JAML: variants seen among roughly 807,000 people sequenced by gnomAD.
JAML encodes the protein junction adhesion molecule like.
JAML carries 25 observed loss-of-function variants against 39.3 expected under a neutral mutation model. The observed-to-expected ratio is 0.64, with a 90% CI of 0.46 to 0.89. The LOEUF (loss-of-function observed/expected upper bound fraction) is 0.89, where lower values mean the gene tolerates loss of function less well. Ranked by LOEUF, JAML falls within the 40% of genes least tolerant of loss-of-function variation. The pLI is 0.00. For missense variants in JAML, 440 were observed against 486.9 expected (o/e 0.90, Z 0.91); for synonymous variants, 162 against 179.2 (o/e 0.90, Z 0.77).
chr11:118,207,063 T>C (rs1948932022), intron 4 of JAML, among the ~76,000 whole-genome samples: 1 of 151,984 alleles, frequency 6.6e-6, no homozygotes, highest in Non-Finnish European at 1.5e-5. Flanking sequence ...AAATGCACAA[T>C]AGGAGGAAAG....
chr11:118,217,164 G>A (rs1047692703), intron 1 of JAML, among the ~76,000 whole-genome samples: 2 of 152,356 alleles, frequency 1.3e-5, no homozygotes, highest in African/African-American at 4.8e-5. Context: ...TTATTTAGAT[G>A]TGTGTCCTGT....
chr11:118,196,743 T>C lies in JAML; in HGVS notation c.1084A>G (p.Met362Val). The change falls in exon 9 of 10, where the codon ATG (methionine) becomes GTG (valine). Residue 362 changes from methionine (M) to valine (V), a missense_variant. Physicochemically the swap from Met to Val is conservative, Grantham distance 21. Coordinates refer to ENST00000356289, the MANE Select transcript of JAML (RefSeq NM_001098526.2). Reference sequence around the variant, plus strand: ...GCCAGAATCATTCTCACCATGGTCATGTAGGTGGCCTCTGATTTTTCACTT... The same window carrying C: ...GCCAGAATCATTCTCACCATGGTCACGTAGGTGGCCTCTGATTTTTCACTT... ...EPSEKSEATY[M>V]TMHPVWPSLR... The C allele has an allele frequency of 1.2e-6, 2 of 1,609,232 alleles. No homozygotes were observed. Among genetic ancestry groups the C allele is most frequent in the South Asian group, 1.1e-5 (1 of 90,980 alleles).
intron 1 of JAML, among the ~76,000 whole-genome samples, chr11:118,223,194 G>C (rs1345175643): frequency 6.6e-6 from 1 of 151,946 alleles, no homozygotes; most frequent in Non-Finnish European, 1.5e-5. Flanking sequence ...AGTTCTGTGG[G>C]TATAAGCAGG....
chr11:118,217,759 A>C (rs73594558), intron 1 of JAML, among the ~76,000 whole-genome samples: 7,431 of 152,298 alleles, frequency 0.049, 626 homozygotes, highest in African/African-American at 0.17. Context: ...GAAATGAGGC[A>C]GAGAATGACA....
rs372933776 is a variant in JAML at position 118,196,427 on chromosome 11, C to T, written c.1092+308G>A. ...TCAGGCATGAGCCACCACACCCGGC[C>T]GTGTTTTCTTTATTAGATTGAACTG... On this transcript the variant is annotated intron_variant, in intron 9 of 9. Transcript: ENST00000356289. Among the ~76,000 whole-genome samples, 18 of 152,254 alleles carry T rather than the reference C, an allele frequency of 1.2e-4. No individual in the cohort carries two copies. In the East Asian group the frequency reaches 2.1e-3, roughly 18 times the overall value.
intron 7 of JAML, among the ~76,000 whole-genome samples, chr11:118,200,035 G>A (rs901480896): frequency 2.6e-5 from 4 of 152,056 alleles, no homozygotes; most frequent in Non-Finnish European, 5.9e-5. Context: ...GAACCTGAGG[G>A]CACCCATTCA....
At chr11:118,216,226 C>T (rs1306927687) in intron 1 of JAML, among the ~76,000 whole-genome samples, 1 of 152,034 alleles carries the variant, frequency 6.6e-6, no homozygotes, top group African/African-American at 2.4e-5. Flanking sequence ...AAAAAATTAG[C>T]CGGGCATGGT....
chr11:118,207,861 G>A (rs997299264), intron 4 of JAML, among the ~76,000 whole-genome samples: 1 of 152,114 alleles, frequency 6.6e-6, no homozygotes, highest in East Asian at 1.9e-4. Context: ...ACTCCTTGTG[G>A]TTCCCTCTGT....
At chr11:118,211,834 C>G (rs1565482643) in intron 3 of JAML, among the ~76,000 whole-genome samples, 4 of 152,162 alleles carry the variant, frequency 2.6e-5, no homozygotes, top group African/African-American at 7.2e-5. Flanking sequence ...GCCCACCATG[C>G]TGCATCTGCT....
Position 118,214,824 on chromosome 11 carries a change from CCAGTAACA to C in JAML, c.35_42del (p.Val12GlyfsTer8), listed in dbSNP as rs1296168385. On this transcript the variant is annotated frameshift_variant and splice_region_variant, in exon 2 of 10. Coordinates refer to ENST00000356289, the MANE Select transcript of JAML (RefSeq NM_001098526.2). ...ACGGAGTCCCTTAGCTTCTACTTACCCAGTAACACTGGCAGCAGGATGAGTTTCAGTGG... is the reference window on the plus strand; with the variant it reads ...ACGGAGTCCCTTAGCTTCTACTTACCCTGGCAGCAGGATGAGTTTCAGTGG... 6.2e-7 allele frequency: 1 copy of C among 1,614,030 alleles called. No individual in the cohort carries two copies. Among genetic ancestry groups the C allele is most frequent in the Non-Finnish European group, 8.5e-7 (1 of 1,179,928 alleles).
chr11:118,213,189 C>T (rs1299592943), intron 2 of JAML: 2 of 1,371,254 alleles, frequency 1.5e-6, no homozygotes, highest in Non-Finnish European at 1.9e-6. Flanking sequence ...CACAGGGACC[C>T]CTGCCCATTA....
chr11:118,195,613 A>C (rs1181602620), intron 9 of JAML, among the ~76,000 whole-genome samples: 2 of 152,190 alleles, frequency 1.3e-5, no homozygotes, highest in Non-Finnish European at 2.9e-5. Flanking sequence ...AAGTCTAAGC[A>C]AAGGGAAATT....
At chr11:118,209,383 C>T (rs1948994886) in intron 4 of JAML, among the ~76,000 whole-genome samples, 2 of 152,202 alleles carry the variant, frequency 1.3e-5, no homozygotes, top group Non-Finnish European at 2.9e-5. Context: ...TAGGGTCCTA[C>T]CCCTGCCCCG....
intron 9 of JAML, 105 bp from the exon 10 acceptor site, chr11:118,194,522 C>G: frequency 1.2e-6 from 1 of 866,230 alleles, no homozygotes; most frequent in Non-Finnish European, 1.9e-6. Flanking sequence ...CGGCCCAGTA[C>G]TGAATTTCAT....
chr11:118,212,507 T>G lies in JAML; in HGVS notation c.98A>C (p.His33Pro). 1 of 1,614,184 alleles carries G rather than the reference T, an allele frequency of 6.2e-7. No homozygotes were observed. The highest frequency in any genetic ancestry group is 8.5e-7 in the Non-Finnish European group (1 of 1,180,022). The change falls in exon 3 of 10, where the codon CAT (histidine) becomes CCT (proline). Residue 33 changes from histidine to proline, a missense_variant. Coordinates refer to ENST00000356289, the MANE Select transcript of JAML (RefSeq NM_001098526.2). ...TCCCATCAGAGCTGAATCACCCACATGGACTGTTAGCTCAGGCGGGGAAAC... is the reference window on the plus strand; with the variant it reads ...TCCCATCAGAGCTGAATCACCCACAGGGACTGTTAGCTCAGGCGGGGAAAC... Reference protein sequence around the residue: ...LNVSPPELTVHVGDSALMGCV... With the variant: ...LNVSPPELTVPVGDSALMGCV...
chr11:118,223,524 ATTT>A (rs1241623823), intron 1 of JAML, among the ~76,000 whole-genome samples: 5 of 152,270 alleles, frequency 3.3e-5, no homozygotes, highest in Non-Finnish European at 7.4e-5. Context: ...AAATAATGAG[ATTT>A]TTGTTTACCT....
intron 6 of JAML, chr11:118,203,014 C>G: frequency 2.2e-6 from 1 of 459,596 alleles, no homozygotes; most frequent in South Asian, 1.5e-5. Flanking sequence ...CTGGCTGTCT[C>G]TCACTAGCTT....
In JAML at chr11:118,210,701, C is replaced by A. The variant is rs1479619874; in HGVS notation, c.210G>T (p.Val70=). ...SPGEHAKDEY[V]LYYYSNLSVP... is the part of the protein sequence containing the mutation. ...CACTGAGATTGGAGTAATAGTATAG[C>A]ACATATTCGTCCTGAAGGGCAAAAC... The change falls in exon 4 of 10, where the codon GTG becomes GTT. Residue 70 remains valine (V), a synonymous_variant. Coordinates refer to ENST00000356289, the MANE Select transcript of JAML (RefSeq NM_001098526.2). The A allele has an allele frequency of 6.2e-7, 1 of 1,614,068 alleles. No individual in the cohort carries two copies.
At chr11:118,208,536 A>G (rs1948970629) in intron 4 of JAML, among the ~76,000 whole-genome samples, 2 of 152,218 alleles carry the variant, frequency 1.3e-5, no homozygotes, top group East Asian at 3.9e-4. Flanking sequence ...TGAGTGTCAT[A>G]AGAGAGGAAG....
Sources: allele counts gnomAD v4.1 joint callset (sites outside exome capture counted in the v4.1 genomes callset), GRCh38; gene constraint gnomAD v4.1.1; transcripts MANE v1.5; gene names NCBI Gene and HGNC (gene_info 2026-07-23, HGNC 2026-07-21).